The following DCLK1 variants were observed in gnomAD, a reference collection of about 807,000 sequenced individuals.
The protein encoded by DCLK1 is serine/threonine-protein kinase DCLK1.
Under a neutral mutation model 86.2 loss-of-function variants are expected in DCLK1, and 16 were observed. That is an observed-to-expected ratio of 0.19 (90% CI 0.13 to 0.28). The LOEUF is 0.28. Ranked by LOEUF, DCLK1 falls within the 10% of genes least tolerant of loss-of-function variation. The pLI is 1.00. For missense variants in DCLK1, 590 were observed against 940.2 expected (o/e 0.63, Z 4.87); for synonymous variants, 369 against 370.5 (o/e 1.00, Z 0.05).
At position 36,007,069 on chromosome 13, in the gene DCLK1, G is replaced by A. The variant is rs115571441; in HGVS notation, c.724-59612C>T. On this transcript the variant is annotated intron_variant, in intron 3 of 16. Transcript: ENST00000360631. The stretch of plus-strand genomic sequence containing the variant: ...CCACTTAGGGAAAGTAAATGTGCAT[G>A]CGAGGAGAGTGTGCCCAGAGGCCAG... 7.2e-3 allele frequency among the ~76,000 whole-genome samples: 1,102 copies of A among 152,242 alleles called. 10 individuals carry two copies. The highest frequency in any genetic ancestry group is 0.025 in the African/African-American group (1,028 of 41,538).
At chr13:35,848,993 C>A in intron 6 of DCLK1, 1 of 985,330 alleles carries the variant, frequency 1.0e-6, no homozygotes, top group Non-Finnish European at 1.2e-6. Context: ...AAGTCTGGAA[C>A]AGGTATTATT....
rs537465005 is a variant in DCLK1 at position 35,849,843 on chromosome 13, A to G, written c.1035+4656T>C. ...TGGATTTCTTGGAAAAAGTCCAGAC[A>G]CAATTTTTTTTAGGTCTGTATGGAA... is the stretch of plus-strand genomic sequence containing the variant. On this transcript the variant is annotated intron_variant, in intron 6 of 16. Transcript: ENST00000360631. The G allele has an allele frequency of 2.0e-4, 193 of 983,728 alleles. No individual in the cohort carries two copies. The African/African-American group carries it at 3.3e-3, about 17-fold the overall frequency. The allele number at this position is 983,728 out of a possible 1,614,324, so 60.9% of individuals were successfully genotyped here. A position where few individuals can be genotyped will look rare whatever the true frequency, so the allele number is the denominator to read the frequency against.
chr13:35,873,469 C>A (rs1194684172), intron 4 of DCLK1, among the ~76,000 whole-genome samples: 1 of 151,798 alleles, frequency 6.6e-6, no homozygotes, highest in Non-Finnish European at 1.5e-5. Context: ...ACTGCAACCT[C>A]CACCTCCCGA....
At chr13:35,885,279 A>T (rs1873158925) in intron 4 of DCLK1, among the ~76,000 whole-genome samples, 1 of 152,200 alleles carries the variant, frequency 6.6e-6, no homozygotes. Flanking sequence ...AAATCATCTC[A>T]GAGCCTGCAC....
At chr13:36,055,555 G>C (rs921111705) in intron 3 of DCLK1, among the ~76,000 whole-genome samples, 5 of 152,154 alleles carry the variant, frequency 3.3e-5, no homozygotes, top group African/African-American at 1.2e-4. Flanking sequence ...ATTTTCCCCA[G>C]TGCTTCTTTT....
At chr13:35,951,295 ATGG>A (rs1877666387) in intron 3 of DCLK1, among the ~76,000 whole-genome samples, 8 of 151,420 alleles carry the variant, frequency 5.3e-5, no homozygotes, top group Admixed American at 4.0e-4. Flanking sequence ...GGATGGATGG[ATGG>A]ATGGATGGAT....
At chr13:35,775,602 A>T (rs2086411733) in intron 16 of DCLK1, among the ~76,000 whole-genome samples, 1 of 152,216 alleles carries the variant, frequency 6.6e-6, no homozygotes, top group African/African-American at 2.4e-5. Context: ...AAAGCAGAAG[A>T]GTAGGTATGA....
At chr13:35,888,849 T>C (rs1222040956) in intron 4 of DCLK1, among the ~76,000 whole-genome samples, 5 of 152,208 alleles carry the variant, frequency 3.3e-5, no homozygotes, top group South Asian at 2.1e-4. Context: ...CATCTTCAAA[T>C]ATTTACCCCA....
chr13:35,958,130 TACTATAACCACCACC>T (rs1878168755), intron 3 of DCLK1, among the ~76,000 whole-genome samples: 3 of 15,812 alleles, frequency 1.9e-4, no homozygotes, highest in African/African-American at 1.3e-3. Context: ...CCACTACCAC[TACTATAACCACCACC>T]ACCACCACTA....
intron 3 of DCLK1, among the ~76,000 whole-genome samples, chr13:35,990,478 T>C (rs1435799756): frequency 6.6e-6 from 1 of 151,980 alleles, no homozygotes; most frequent in African/African-American, 2.4e-5. Context: ...TCATCTTCAG[T>C]TACAAGGCTC....
At chr13:36,075,783 G>A (rs1165444451) in intron 3 of DCLK1, among the ~76,000 whole-genome samples, 7 of 152,144 alleles carry the variant, frequency 4.6e-5, no homozygotes, top group African/African-American at 1.7e-4. Context: ...TTGGGAGGCC[G>A]AGGCAGGCAG....
At chr13:35,893,903 A>G (rs1475854664) in intron 4 of DCLK1, among the ~76,000 whole-genome samples, 2 of 152,226 alleles carry the variant, frequency 1.3e-5, no homozygotes, top group African/African-American at 4.8e-5. Context: ...TGGTGATGCC[A>G]AATCACCACA....
intron 4 of DCLK1, among the ~76,000 whole-genome samples, chr13:35,891,111 CA>C (rs1478654289): frequency 6.6e-6 from 1 of 151,984 alleles, no homozygotes; most frequent in Non-Finnish European, 1.5e-5. Flanking sequence ...GATATTTAAA[CA>C]AAAGGTCACA....
intron 4 of DCLK1, among the ~76,000 whole-genome samples, chr13:35,906,645 T>C (rs1297592419): frequency 6.6e-6 from 1 of 152,158 alleles, no homozygotes; most frequent in Non-Finnish European, 1.5e-5. Flanking sequence ...AAGTTACAGA[T>C]AAAGTCTGGA....
rs575919966 is a variant in DCLK1 at position 35,847,537 on chromosome 13, G to A, written c.1035+6962C>T. The A allele has an allele frequency of 1.4e-5, 14 of 984,066 alleles. No individual in the cohort carries two copies. The African/African-American group carries it at 2.3e-4, about 16-fold the overall frequency. 61.0% of individuals were successfully genotyped at this position (984,066 alleles called of 1,614,324 possible). ...TTTAGCAGTCCAAGAATTAAAATAT[G>A]TGGAATTTTCAGGAATATTATTCTA... On this transcript the variant is annotated intron_variant, in intron 6 of 16. Coordinates refer to ENST00000360631, the MANE Select transcript of DCLK1 (RefSeq NM_001330071.2).
intron 4 of DCLK1, among the ~76,000 whole-genome samples, chr13:35,937,046 T>G (rs1340526189): frequency 7.1e-6 from 1 of 141,472 alleles, no homozygotes; most frequent in East Asian, 2.3e-4. Flanking sequence ...CTCCACTCAC[T>G]GTAAGCTCTG....
intron 4 of DCLK1, among the ~76,000 whole-genome samples, chr13:35,911,291 CAAA>C (rs11295431): frequency 1.7e-4 from 20 of 119,760 alleles, no homozygotes; most frequent in Admixed American, 3.5e-4. Flanking sequence ...GAGATTCCGT[CAAA>C]AAAAAAAAAA....
chr13:36,059,281 C>A (rs1278606211), intron 3 of DCLK1, among the ~76,000 whole-genome samples: 1 of 152,156 alleles, frequency 6.6e-6, no homozygotes, highest in Non-Finnish European at 1.5e-5. Context: ...TTTTCAATTC[C>A]CTACAGTACT....
intron 16 of DCLK1, among the ~76,000 whole-genome samples, chr13:35,793,042 T>C (rs2086734810): frequency 6.6e-6 from 1 of 152,168 alleles, no homozygotes; most frequent in Non-Finnish European, 1.5e-5. Context: ...CACTATGAAC[T>C]CTTTTTCTTA....
Sources: allele counts gnomAD v4.1 joint callset (sites outside exome capture counted in the v4.1 genomes callset), GRCh38; gene constraint gnomAD v4.1.1; transcripts MANE v1.5; gene names NCBI Gene and HGNC (gene_info 2026-07-23, HGNC 2026-07-21).